The following COL12A1 variants were observed in gnomAD, a reference collection of about 807,000 sequenced individuals.
The protein encoded by COL12A1 is collagen type XII alpha 1 chain, also known as collagen alpha-1(XII) chain.
A neutral mutation model predicts 349.7 loss-of-function variants in COL12A1; 114 were observed. The ratio of observed to expected loss-of-function variants is 0.33; its 90% CI spans 0.28 to 0.38. The LOEUF is 0.38. Ranked by LOEUF, COL12A1 falls within the 10% of genes least tolerant of loss-of-function variation. The pLI, the probability that COL12A1 is intolerant of heterozygous loss-of-function variation, is 1.00. For missense variants in COL12A1, 3,284 were observed against 3,756.9 expected (o/e 0.87, Z 3.29); for synonymous variants, 1,369 against 1,329.0 (o/e 1.03, Z -0.66).
At position 75,090,239 on chromosome 6, in the gene COL12A1, G is replaced by T; in HGVS notation, c.8812C>A (p.Arg2938Ser). 1.2e-6 allele frequency: 2 copies of T among 1,613,874 alleles called. No individual in the cohort carries two copies. The highest frequency in any genetic ancestry group is 1.7e-6 in the Non-Finnish European group (2 of 1,179,876). ...NQIPNDYQSSRNQPGPPGPPG... is the reference protein window; with the variant it reads ...NQIPNDYQSSSNQPGPPGPPG... Reference sequence around the variant, plus strand: ...GGACCCGGCGGGCCTGGCTGGTTGCGACTGGACTGGTAATCATTTGGAATC... The same window carrying T: ...GGACCCGGCGGGCCTGGCTGGTTGCTACTGGACTGGTAATCATTTGGAATC... The change falls in exon 63 of 66, where the codon CGC (arginine) becomes AGC (serine). Residue 2938 changes from arginine to serine, a missense_variant. By Grantham distance (110) the Arg-to-Ser change is moderately radical (BLOSUM62 -1). Coordinates refer to ENST00000322507, the MANE Select transcript of COL12A1 (RefSeq NM_004370.6). This position sits in a 1 kb window ranked among gnomAD's most constrained non-coding sequence, Gnocchi z 4.1.
intron 8 of COL12A1, 72 bp from the exon 9 acceptor site, chr6:75,184,216 G>A (rs1769488419): frequency 6.9e-7 from 1 of 1,448,876 alleles, no homozygotes; most frequent in African/African-American, 1.4e-5. Context: ...TTTAGGTTTG[G>A]ACCTTCAAAT....
chr6:75,155,546 T>C, intron 16 of COL12A1, 116 bp downstream of exon 16: 1 of 1,050,164 alleles, frequency 9.5e-7, no homozygotes, highest in Non-Finnish European at 1.4e-6. Flanking sequence ...TTAAATACTT[T>C]GCTGGCAAAC....
In COL12A1 at chr6:75,194,848, G is replaced by A. The variant is rs140583215; in HGVS notation, c.173C>T (p.Thr58Met). ...PVDPIVGYRI[T>M]VDPTTDGPTK... is the part of the protein sequence containing the mutation. ...AAACTTACCCGTTGTAGGGTCCACCGTTATTCTGTAACCCACAATTGGATC... is the reference window on the plus strand; with the variant it reads ...AAACTTACCCGTTGTAGGGTCCACCATTATTCTGTAACCCACAATTGGATC... The change falls in exon 3 of 66, where the codon ACG (threonine) becomes ATG (methionine). Residue 58 changes from threonine (T) to methionine (M), a missense_variant. By Grantham distance (81) the Thr-to-Met change is moderately conservative. Coordinates refer to ENST00000322507, the MANE Select transcript of COL12A1 (RefSeq NM_004370.6). The A allele has an allele frequency of 5.0e-5, 81 of 1,610,088 alleles. No homozygotes were observed. Among genetic ancestry groups the A allele is most frequent in the South Asian group, 3.1e-4 (28 of 90,416 alleles).
intron 22 of COL12A1, 75 bp from the exon 23 acceptor site, chr6:75,147,879 G>T: frequency 6.8e-7 from 1 of 1,462,418 alleles, no homozygotes. Context: ...TTACAAAGTA[G>T]TTAACTGCAG....
In COL12A1 at chr6:75,188,413, C is replaced by G; in HGVS notation, c.946G>C (p.Val316Leu). ...VDIQNEIISQ[V>L]CSGVDEQLGE... is the part of the protein sequence containing the mutation. ...AGTTGTTCATCAACACCTGAGCACA[C>G]CTGGGAGATGATCTCATTCTGAATA... The change falls in exon 8 of 66, where the codon GTG becomes CTG. Residue 316 changes from valine (V) to leucine (L), a missense_variant. Val to Leu is a conservative substitution (Grantham distance 32). This residue lies in a region of COL12A1 where 2,601 missense variants were observed against 2,824.8 expected (regional missense o/e 0.92). Transcript: ENST00000322507. The G allele has an allele frequency of 6.2e-7, 1 of 1,613,636 alleles. No homozygotes were observed. The highest frequency in any genetic ancestry group is 8.5e-7 in the Non-Finnish European group (1 of 1,179,676).
At chr6:75,160,275 G>A (rs1374869009) in intron 14 of COL12A1, among the ~76,000 whole-genome samples, 1 of 152,134 alleles carries the variant, frequency 6.6e-6, no homozygotes, top group Non-Finnish European at 1.5e-5. Context: ...TGTCCCTTCT[G>A]CTGGCTTTCT....
rs1426761655 is a variant in COL12A1 at position 75,188,362 on chromosome 6, C to T, written c.997G>A (p.Val333Ile). ...GGGGAATGCTACACAGTCTACTCAC[C>T]TTCTTCTCCACTAACCAATTCACCA... ...QLGELVSGEE[V>I]VEPPSNLIAM... The change falls in exon 8 of 66, where the codon GTT (valine) becomes ATT (isoleucine). Residue 333 changes from valine to isoleucine, a missense_variant and splice_region_variant. By Grantham distance (29) the Val-to-Ile change is conservative. Coordinates refer to ENST00000322507, the MANE Select transcript of COL12A1 (RefSeq NM_004370.6). 2.5e-6 allele frequency: 4 copies of T among 1,612,192 alleles called. No individual in the cohort carries two copies. The highest frequency in any genetic ancestry group is 2.7e-5 in the African/African-American group (2 of 74,806).
Position 75,090,409 on chromosome 6 carries a change from T to G in COL12A1, c.8753-111A>C, listed in dbSNP as rs145794260. ...AAATCCATCTCCATTCTGCAACCCC[T>G]CTAAGGAAACAATCTAATTAGAATC... On this transcript the variant is annotated intron_variant, in intron 62 of 65. Coordinates refer to ENST00000322507, the MANE Select transcript of COL12A1 (RefSeq NM_004370.6). The surrounding 1 kb of genome is among the most constrained non-coding windows in gnomAD (Gnocchi z 4.1). The G allele has an allele frequency of 2.0e-4, 200 of 1,004,188 alleles. No homozygotes were observed. The East Asian group carries it at 4.7e-3, about 24-fold the overall frequency. The allele number at this position is 1,004,188 out of a possible 1,614,324, so 62.2% of individuals were successfully genotyped here.
At chr6:75,139,039 T>G in intron 27 of COL12A1, 78 bp from the exon 28 acceptor site, 1 of 1,523,102 alleles carries the variant, frequency 6.6e-7, no homozygotes, top group Non-Finnish European at 9.0e-7. Context: ...AAAACTGCCT[T>G]GTTTTATATT....
chr6:75,182,944 T>A, intron 10 of COL12A1, 106 bp downstream of exon 10: 1 of 1,377,106 alleles, frequency 7.3e-7, no homozygotes, highest in Non-Finnish European at 9.7e-7. Context: ...GGAAAGTTAC[T>A]TTTTCGTGTC....
intron 11 of COL12A1, 84 bp from the exon 12 acceptor site, chr6:75,178,019 T>C (rs933797414): frequency 1.6e-6 from 2 of 1,255,608 alleles, no homozygotes; most frequent in African/African-American, 1.5e-5. Context: ...TTTTTATTAC[T>C]AAATTATACC....
At chr6:75,118,637 G>A (rs1365686894) in intron 46 of COL12A1, among the ~76,000 whole-genome samples, 1 of 152,144 alleles carries the variant, frequency 6.6e-6, no homozygotes, top group East Asian at 1.9e-4. Context: ...ATATCTTTTA[G>A]CACTCATTAA....
rs1766272717 is a variant in COL12A1, at chr6:75,130,953, A to G, written c.5966T>C (p.Val1989Ala). The G allele has an allele frequency of 1.2e-6, 2 of 1,614,044 alleles. No individual in the cohort carries two copies. The highest frequency in any genetic ancestry group is 1.7e-6 in the Non-Finnish European group (2 of 1,180,014). ...SIVVPGNTRMVHLERLIPDTL... is the reference protein window; with the variant it reads ...SIVVPGNTRMAHLERLIPDTL... ...GTCCGGAATCAGCCGCTCCAGATGC[A>G]CCATGCGCGTGTTTCCTGGCACTAC... The change falls in exon 36 of 66, where the codon GTG (valine) becomes GCG (alanine). Residue 1989 changes from valine (V) to alanine (A), a missense_variant. Around this residue, in one of 2 missense-constraint regions of COL12A1, gnomAD observed 2,601 missense variants for 2,824.8 expected, o/e 0.92. Transcript: ENST00000322507.
chr6:75,202,671 T>C, intron 2 of COL12A1, 49 bp downstream of exon 2: 1 of 1,515,380 alleles, frequency 6.6e-7, no homozygotes, highest in East Asian at 2.5e-5. Context: ...GTTTTTTCCT[T>C]TCTCGAATTT....
At position 75,130,769 on chromosome 6, in the gene COL12A1, C is replaced by G. The variant is rs1435534884; in HGVS notation, c.6067+83G>C. 2.6e-6 allele frequency: 4 copies of G among 1,557,566 alleles called. No homozygotes were observed. The African/African-American group carries it at 4.1e-5, about 16-fold the overall frequency. On this transcript the variant is annotated intron_variant, in intron 36 of 65. Transcript: ENST00000322507. ...CAGAAAGCACCCATCTCTCACCACC[C>G]CCCTCCCACCACTCATTCAATCAGA...
Position 75,123,921 on chromosome 6 carries a change from A to C in COL12A1, c.6871+27T>G. 3 of 1,591,950 alleles carry C rather than the reference A, an allele frequency of 1.9e-6. No homozygotes were observed. In the South Asian group the frequency reaches 3.4e-5, roughly 18 times the overall value. On this transcript the variant is annotated intron_variant, in intron 42 of 65. Transcript: ENST00000322507. ...GCATTCTATTCTAAAGCCTTATGAA[A>C]GCTTTCCAGATTCCTCAAAAACTTA...
At chr6:75,178,157 T>A (rs1257516110) in intron 11 of COL12A1, among the ~76,000 whole-genome samples, 1 of 152,112 alleles carries the variant, frequency 6.6e-6, no homozygotes. Flanking sequence ...AGAAACTAAG[T>A]ACTGTTAATT....
Position 75,140,157 on chromosome 6 carries a change from A to T in COL12A1, c.4958-1196T>A, listed in dbSNP as rs149355521. On this transcript the variant is annotated intron_variant, in intron 27 of 65. Transcript: ENST00000322507. ...CCTGTCTCACTAGCCTTTCTTCCTG[A>T]CTTCCTTTTCTGTTCACTACACCTG... 2.5e-3 allele frequency among the ~76,000 whole-genome samples: 386 copies of T among 152,278 alleles called. 1 individual carries two copies. Among genetic ancestry groups the T allele is most frequent in the African/African-American group, 8.7e-3 (361 of 41,546 alleles).
Position 75,117,446 on chromosome 6 carries a change from G to A in COL12A1, c.7455C>T (p.Asp2485=). 1 of 1,613,724 alleles carries A rather than the reference G, an allele frequency of 6.2e-7. No individual in the cohort carries two copies. The highest frequency in any genetic ancestry group is 8.5e-7 in the Non-Finnish European group (1 of 1,179,724). ...PSERHVFIVD[D]FESFEKIEDN... ...CTTCGATCTTCTCAAAAGATTCAAAGTCGTCCACAATGAACACGTGCCGTT... is the reference window on the plus strand; with the variant it reads ...CTTCGATCTTCTCAAAAGATTCAAAATCGTCCACAATGAACACGTGCCGTT... The change falls in exon 47 of 66, where the codon GAC becomes GAT. Residue 2485 remains aspartate (D), a synonymous_variant. Coordinates refer to ENST00000322507, the MANE Select transcript of COL12A1 (RefSeq NM_004370.6).
Sources: gnomAD v4.1 joint callset for allele counts (sites outside exome capture counted in the v4.1 genomes callset) on GRCh38, gnomAD v4.1.1 for gene constraint, gnomAD v4.1.1 regional missense constraint, Gnocchi (gnomAD v3.1) non-coding constraint, MANE v1.5 for transcripts, NCBI Gene and HGNC (gene_info 2026-07-23, HGNC 2026-07-21) for gene names.